The following TMEM178B variants were observed in gnomAD, a reference collection of about 807,000 sequenced individuals.
TMEM178B encodes the protein transmembrane protein 178B.
Under a neutral mutation model 31.0 loss-of-function variants are expected in TMEM178B, and 5 were observed. The ratio of observed to expected loss-of-function variants is 0.16; its 90% CI spans 0.08 to 0.34. The LOEUF (loss-of-function observed/expected upper bound fraction) is 0.34, where lower values mean the gene tolerates loss of function less well. TMEM178B is among the 10% of genes least tolerant of loss of function. The pLI is 1.00. For missense variants in TMEM178B, 275 were observed against 400.3 expected (o/e 0.69, Z 2.67); for synonymous variants, 164 against 164.0 (o/e 1.00, Z 0.00).
chr7:141,076,864 C>T (rs1405346299), intron 1 of TMEM178B, among the ~76,000 whole-genome samples: 1 of 152,256 alleles, frequency 6.6e-6, no homozygotes, highest in Non-Finnish European at 1.5e-5. Flanking sequence ...GGCAAGCACC[C>T]GCTTACCATG....
intron 1 of TMEM178B, among the ~76,000 whole-genome samples, chr7:141,157,910 C>G (rs1439860223): frequency 6.6e-6 from 1 of 152,148 alleles, no homozygotes; most frequent in Non-Finnish European, 1.5e-5. Context: ...TCTACTGTTC[C>G]CCGCCTCTGT....
At chr7:141,089,907 T>C (rs1448203431) in intron 1 of TMEM178B, among the ~76,000 whole-genome samples, 1 of 151,816 alleles carries the variant, frequency 6.6e-6, no homozygotes, top group Non-Finnish European at 1.5e-5. Context: ...ATACCTAATG[T>C]AAATGACGAG....
chr7:141,147,814 G>A (rs1795879516), intron 1 of TMEM178B, among the ~76,000 whole-genome samples: 1 of 152,156 alleles, frequency 6.6e-6, no homozygotes, highest in South Asian at 2.1e-4. Context: ...AGTTAAAGAT[G>A]TTAAGCTGTT....
intron 2 of TMEM178B, among the ~76,000 whole-genome samples, chr7:141,338,882 C>T (rs536673725): frequency 7.2e-5 from 11 of 152,334 alleles, no homozygotes; most frequent in African/African-American, 2.4e-4. Context: ...AAAGCTTGCT[C>T]TAGGTATATT....
In TMEM178B at chr7:141,137,805, G is replaced by A. The variant is rs146986415; in HGVS notation, c.382+63113G>A. On this transcript the variant is annotated intron_variant, in intron 1 of 3. Coordinates refer to ENST00000565468, the MANE Select transcript of TMEM178B (RefSeq NM_001195278.2). ...TACCACATAGATATGTACAATTATT[G>A]TGTATCAATGAAAACAATCGTTTGA... Among the ~76,000 whole-genome samples, 784 of 152,206 alleles carry A rather than the reference G, an allele frequency of 5.2e-3. 9 individuals are homozygous for A. The highest frequency in any genetic ancestry group is 8.8e-3 in the Non-Finnish European group (598 of 68,004).
intron 2 of TMEM178B, among the ~76,000 whole-genome samples, chr7:141,275,114 C>T: frequency 6.6e-6 from 1 of 152,130 alleles, no homozygotes; most frequent in East Asian, 1.9e-4. Flanking sequence ...AGTGGAAAGA[C>T]AAGCCAAAGA....
chr7:141,318,632 G>A lies in TMEM178B; in HGVS notation c.496+105928G>A, dbSNP rs144195929. On this transcript the variant is annotated intron_variant, in intron 2 of 3. Coordinates refer to ENST00000565468, the MANE Select transcript of TMEM178B (RefSeq NM_001195278.2). This position sits in a 1 kb window ranked among gnomAD's most constrained non-coding sequence, Gnocchi z 4.1. ...CCAGTTGTTTGATAGCTAAACCTAT[G>A]CCACCCCTTCAGAAGCCTGTACCAA... Among the ~76,000 whole-genome samples the A allele has an allele frequency of 6.6e-6, 1 of 152,260 alleles. No homozygotes were observed. Among genetic ancestry groups the A allele is most frequent in the African/African-American group, 2.4e-5 (1 of 41,556 alleles).
Position 141,479,507 on chromosome 7 carries a change from T to C in TMEM178B, c.*8721T>C, listed in dbSNP as rs1470290096. The C allele has an allele frequency of 6.6e-6, 1 of 152,116 alleles. No homozygotes were observed. Among genetic ancestry groups the C allele is most frequent in the Non-Finnish European group, 1.5e-5 (1 of 68,014 alleles). The allele number at this position is 152,116 out of a possible 1,614,324, so 9.4% of individuals were successfully genotyped here. A position where few individuals can be genotyped will look rare whatever the true frequency, so the allele number is the denominator to read the frequency against. Reference sequence around the variant, plus strand: ...TAGGATTGAAGAAACCTCTTTTGTTTGTGAAAAAGATAGGTATCGAGATCT... The same window carrying C: ...TAGGATTGAAGAAACCTCTTTTGTTCGTGAAAAAGATAGGTATCGAGATCT... On this transcript the variant is annotated 3_prime_UTR_variant, in exon 4 of 4. Coordinates refer to ENST00000565468, the MANE Select transcript of TMEM178B (RefSeq NM_001195278.2).
At chr7:141,338,813 A>G (rs1799468880) in intron 2 of TMEM178B, among the ~76,000 whole-genome samples, 1 of 152,246 alleles carries the variant, frequency 6.6e-6, no homozygotes, top group South Asian at 2.1e-4. Flanking sequence ...AAGCTGGCCA[A>G]TGATGACATC....
At chr7:141,406,246 A>G (rs1048982613) in intron 2 of TMEM178B, among the ~76,000 whole-genome samples, 1 of 152,130 alleles carries the variant, frequency 6.6e-6, no homozygotes, top group Non-Finnish European at 1.5e-5. Context: ...TCTGGCTTCC[A>G]TCTCTCTGCA....
At chr7:141,138,754 G>T (rs1350733187) in intron 1 of TMEM178B, among the ~76,000 whole-genome samples, 3 of 151,772 alleles carry the variant, frequency 2.0e-5, no homozygotes, top group African/African-American at 7.3e-5. Flanking sequence ...AGGCTGAGGC[G>T]GGTGGATCAC....
chr7:141,481,641 G>T (rs1466693268), downstream of TMEM178B, among the ~76,000 whole-genome samples: 1 of 152,174 alleles, frequency 6.6e-6, no homozygotes, highest in Non-Finnish European at 1.5e-5. Flanking sequence ...GGAGGTAACA[G>T]AGACAGTAAA....
At chr7:141,489,662 C>A in the TMEM178B span, among the ~76,000 whole-genome samples, 4 of 152,094 alleles carry the variant, frequency 2.6e-5, no homozygotes, top group Admixed American at 1.3e-4. Context: ...CTCTCTCCTC[C>A]CCGCTGCCAC....
intron 2 of TMEM178B, among the ~76,000 whole-genome samples, chr7:141,240,026 A>G (rs917408105): frequency 2.6e-5 from 4 of 152,266 alleles, no homozygotes; most frequent in African/African-American, 7.2e-5. Flanking sequence ...TTATTTCAAC[A>G]TATAATCAAC....
intron 2 of TMEM178B, among the ~76,000 whole-genome samples, chr7:141,374,648 A>G (rs895349042): frequency 6.6e-6 from 1 of 152,206 alleles, no homozygotes; most frequent in African/African-American, 2.4e-5. Context: ...GCTCTCGCAC[A>G]TGCCACCCCA....
chr7:141,196,262 G>A (rs939195788), intron 1 of TMEM178B, among the ~76,000 whole-genome samples: 1 of 151,422 alleles, frequency 6.6e-6, no homozygotes, highest in African/African-American at 2.4e-5. Context: ...CTCTTTTTTT[G>A]GATATTTGGT....
At chr7:141,205,940 T>C (rs1377424678) in intron 1 of TMEM178B, among the ~76,000 whole-genome samples, 1 of 152,230 alleles carries the variant, frequency 6.6e-6, no homozygotes, top group Non-Finnish European at 1.5e-5. Flanking sequence ...TCTGTTTCCA[T>C]ACATCAGAGC....
chr7:141,139,994 G>A lies in TMEM178B; in HGVS notation c.382+65302G>A, dbSNP rs148534419. 2.9e-3 allele frequency among the ~76,000 whole-genome samples: 439 copies of A among 152,198 alleles called. 5 individuals carry two copies. The highest frequency in any genetic ancestry group is 9.8e-3 in the African/African-American group (409 of 41,524). On this transcript the variant is annotated intron_variant, in intron 1 of 3. Transcript: ENST00000565468. ...TTGGCCAGGCTGGTCTTGAACTCCC[G>A]ACTTCAGGTCATCTGCCCACCTCAG...
chr7:141,320,933 G>A (rs1355102961), intron 2 of TMEM178B, among the ~76,000 whole-genome samples: 1 of 152,154 alleles, frequency 6.6e-6, no homozygotes, highest in Non-Finnish European at 1.5e-5. Context: ...AGAAGGACTG[G>A]CCTTTCAGGT....
Sources: gnomAD v4.1 joint callset for allele counts (sites outside exome capture counted in the v4.1 genomes callset) on GRCh38, gnomAD v4.1.1 for gene constraint, Gnocchi (gnomAD v3.1) non-coding constraint, MANE v1.5 for transcripts, NCBI Gene and HGNC (gene_info 2026-07-23, HGNC 2026-07-21) for gene names.